Variants in TEX11 observed in about 807,000 individuals in gnomAD.
The protein encoded by TEX11 is testis expressed 11, also known as testis-expressed protein 11.
In TEX11, 7 loss-of-function variants were observed where a neutral mutation model predicts 84.4. That is an observed-to-expected ratio of 0.08 (90% CI 0.05 to 0.16). The LOEUF (loss-of-function observed/expected upper bound fraction) is 0.16, where lower values mean the gene tolerates loss of function less well. Ranked by LOEUF, TEX11 falls within the 10% of genes least tolerant of loss-of-function variation. TEX11 has a pLI of 1.00. For missense variants in TEX11, 551 were observed against 660.5 expected (o/e 0.83, Z 1.82); for synonymous variants, 264 against 222.8 (o/e 1.18, Z -1.64).
intron 24 of TEX11, among the ~76,000 whole-genome samples, chrX:70,598,217 T>C (rs1487502957): frequency 8.9e-6 from 1 of 112,202 alleles, no homozygotes; most frequent in Non-Finnish European, 1.9e-5. Flanking sequence ...TTTCAATAGA[T>C]ATTTTCCAAA....
chrX:70,810,790 TA>T (rs761224920), intron 8 of TEX11, among the ~76,000 whole-genome samples: 74 of 102,447 alleles, frequency 7.2e-4, no homozygotes, highest in Admixed American at 9.6e-4. Context: ...CTTAAAGTAT[TA>T]AAAAAAAAAA....
chrX:70,553,319 T>A lies in TEX11; in HGVS notation c.2386A>T (p.Ile796Leu), dbSNP rs781735348. The A allele has an allele frequency of 1.7e-6, 2 of 1,194,701 alleles. No homozygotes were observed. The highest frequency in any genetic ancestry group is 3.0e-5 in the East Asian group (1 of 33,700). ...GTATTTACTAACCTGTATTGTGATA[T>A]ATCAATTGGTTCTTCCTTTTTGTAG... is the stretch of plus-strand genomic sequence containing the variant. ...LLYKKEEPIDISQYSKCMHNL... is the reference protein window; with the variant it reads ...LLYKKEEPIDLSQYSKCMHNL... Residue 796 changes from isoleucine to leucine, a missense_variant, in exon 27 of 30, where the codon ATA becomes TTA. Coordinates refer to ENST00000374333, the MANE Select transcript of TEX11 (RefSeq NM_031276.3).
chrX:70,783,423 A>G (rs768334572), intron 9 of TEX11, among the ~76,000 whole-genome samples: 2 of 111,721 alleles, frequency 1.8e-5, no homozygotes, highest in East Asian at 5.6e-4. Flanking sequence ...TAAAAGAACT[A>G]GAGAAGCAAG....
chrX:70,892,672 G>A, intron 2 of TEX11, among the ~76,000 whole-genome samples: 1 of 109,598 alleles, frequency 9.1e-6, no homozygotes, highest in Non-Finnish European at 1.9e-5. Flanking sequence ...GGCGGAGGTT[G>A]CAGTGAGATG....
intron 25 of TEX11, among the ~76,000 whole-genome samples, chrX:70,577,038 G>A (rs1257487540): frequency 9.0e-6 from 1 of 111,692 alleles, no homozygotes; most frequent in Non-Finnish European, 1.9e-5. Flanking sequence ...CACTGGCTGA[G>A]AAGATGTAGA....
rs769159981 is a variant in TEX11 at position 70,610,504 on chromosome X, T to G, written c.1791A>C (p.Arg597Ser). ...EMDRLLTCLNRAFVKLSQPFG... is the reference protein window; with the variant it reads ...EMDRLLTCLNSAFVKLSQPFG... ...GAATATAACCAGGGAGATATTTACC[T>G]CTATTCAGGCAAGTCAAAAGTCGAT... Residue 597 changes from arginine to serine, a missense_variant and splice_region_variant, in exon 21 of 30, where the codon AGA becomes AGC. Transcript: ENST00000374333. 1 of 1,205,927 alleles carries G rather than the reference T, an allele frequency of 8.3e-7. No homozygotes were observed. Among genetic ancestry groups the G allele is most frequent in the Admixed American group, 2.2e-5 (1 of 45,387 alleles).
the TEX11 span, among the ~76,000 whole-genome samples, chrX:70,514,809 T>C: frequency 1.8e-5 from 2 of 110,995 alleles, no homozygotes; most frequent in Admixed American, 1.9e-4. Flanking sequence ...GGCTCACACC[T>C]GTAATCCCAG....
intron 17 of TEX11, among the ~76,000 whole-genome samples, chrX:70,648,494 A>T (rs1407652124): frequency 9.0e-6 from 1 of 111,295 alleles, no homozygotes; most frequent in East Asian, 2.8e-4. Context: ...TTAAAAAAAT[A>T]AGTTTTTAAA....
At chrX:70,789,975 T>TTGTG (rs1383414448) in intron 9 of TEX11, among the ~76,000 whole-genome samples, 1 of 112,083 alleles carries the variant, frequency 8.9e-6, no homozygotes, top group Non-Finnish European at 1.9e-5. Flanking sequence ...AAACTGTGAT[T>TTGTG]TGTGACAACA....
Position 70,554,559 on chromosome X carries a change from C to T in TEX11, c.2290+92G>A, listed in dbSNP as rs763620555. The T allele has an allele frequency of 5.1e-4, 457 of 896,766 alleles. 2 individuals are homozygous for T. The highest frequency in any genetic ancestry group is 1.9e-3 in the Middle Eastern group (6 of 3,147). 73.9% of individuals were successfully genotyped at this position (896,766 alleles called of 1,213,427 possible). A position where few individuals can be genotyped will look rare whatever the true frequency, so the allele number is the denominator to read the frequency against. The stretch of plus-strand genomic sequence containing the variant: ...TGCTATGAGAAAAAATTATTTCCTA[C>T]CTGGAGGTAAGAAAGAAGAGTAAAG... On this transcript the variant is annotated intron_variant, in intron 26 of 29. Coordinates refer to ENST00000374333, the MANE Select transcript of TEX11 (RefSeq NM_031276.3).
chrX:70,515,582 T>C, the TEX11 span, among the ~76,000 whole-genome samples: 3 of 112,168 alleles, frequency 2.7e-5, no homozygotes, highest in African/African-American at 9.7e-5. Context: ...AGTAAACATA[T>C]GTGTGCATGC....
At chrX:70,880,997 A>G (rs1392551504) in intron 2 of TEX11, among the ~76,000 whole-genome samples, 1 of 88,258 alleles carries the variant, frequency 1.1e-5, no homozygotes, top group East Asian at 3.6e-4. Context: ...ACATAGCAAG[A>G]CATCATCCAA....
At chrX:70,633,190 A>T (rs2147566841) in intron 17 of TEX11, among the ~76,000 whole-genome samples, 1 of 112,501 alleles carries the variant, frequency 8.9e-6, no homozygotes. Flanking sequence ...AAATCAAATT[A>T]TATAAAAAGG....
chrX:70,552,458 G>A (rs1372748946), intron 27 of TEX11, among the ~76,000 whole-genome samples: 1 of 111,641 alleles, frequency 9.0e-6, no homozygotes, highest in Non-Finnish European at 1.9e-5. Flanking sequence ...GCCTATGGTT[G>A]TCTTTCATTC....
intron 25 of TEX11, among the ~76,000 whole-genome samples, chrX:70,582,703 TGTGTTACCTCC>T (rs2088792778): frequency 9.2e-6 from 1 of 108,138 alleles, no homozygotes; most frequent in Non-Finnish European, 1.9e-5. Flanking sequence ...ATGTTAGAAT[TGTGTTACCTCC>T]TATGTACATT....
At chrX:70,633,984 G>A (rs1218259391) in intron 17 of TEX11, among the ~76,000 whole-genome samples, 22 of 111,837 alleles carry the variant, frequency 2.0e-4, no homozygotes, top group African/African-American at 7.1e-4. Context: ...GGAATCTACA[G>A]GGAAGGTACT....
At chrX:70,533,833 C>G (rs997399959) in intron 28 of TEX11, among the ~76,000 whole-genome samples, 1 of 110,877 alleles carries the variant, frequency 9.0e-6, no homozygotes, top group Non-Finnish European at 1.9e-5. Context: ...GTGGATCACA[C>G]CTGTAATCCC....
At chrX:70,852,039 T>TA (rs1247640265) in intron 7 of TEX11, among the ~76,000 whole-genome samples, 2 of 112,250 alleles carry the variant, frequency 1.8e-5, no homozygotes, top group African/African-American at 3.2e-5. Flanking sequence ...AAACATGTTT[T>TA]AAACTTAGCT....
chrX:70,752,154 T>C (rs2147759180), intron 9 of TEX11, among the ~76,000 whole-genome samples: 1 of 111,994 alleles, frequency 8.9e-6, no homozygotes, highest in Non-Finnish European at 1.9e-5. Context: ...CTGTTTTATG[T>C]CTCATCTTCT....
Sources: gnomAD v4.1 joint callset for allele counts (sites outside exome capture counted in the v4.1 genomes callset) on GRCh38, gnomAD v4.1.1 for gene constraint, MANE v1.5 for transcripts, NCBI Gene and HGNC (gene_info 2026-07-23, HGNC 2026-07-21) for gene names.